The following ATP1B3 variants were observed in gnomAD, a reference collection of about 807,000 sequenced individuals.
The protein encoded by ATP1B3 is sodium/potassium-transporting ATPase subunit beta-3.
A neutral mutation model predicts 30.2 loss-of-function variants in ATP1B3; 10 were observed. That is an observed-to-expected ratio of 0.33 (90% CI 0.20 to 0.56). ATP1B3 has a LOEUF of 0.56. Among genes scored for constraint, ATP1B3 ranks in the 20% least tolerant of loss-of-function variants. ATP1B3 has a pLI of 0.90. For missense variants in ATP1B3, 238 were observed against 336.7 expected (o/e 0.71, Z 2.29); for synonymous variants, 113 against 117.0 (o/e 0.97, Z 0.22).
chr3:141,896,062 G>A (rs1934059132), intron 1 of ATP1B3, among the ~76,000 whole-genome samples: 1 of 152,152 alleles, frequency 6.6e-6, no homozygotes. Context: ...TTCAAAAAAT[G>A]TGTCTTGGAC....
At chr3:141,888,749 G>A (rs4683642) in intron 1 of ATP1B3, among the ~76,000 whole-genome samples, 16,343 of 151,704 alleles carry the variant, frequency 0.11, 1,080 homozygotes, top group Middle Eastern at 0.16. Context: ...TTGAGATAGT[G>A]AGTAAGTCTC....
At chr3:141,919,573 A>G (rs962213320) in intron 5 of ATP1B3, among the ~76,000 whole-genome samples, 1 of 152,216 alleles carries the variant, frequency 6.6e-6, no homozygotes, top group African/African-American at 2.4e-5. Flanking sequence ...ATTAATTTTT[A>G]AACTCCATTT....
At chr3:141,908,751 C>T (rs1330619815) in intron 3 of ATP1B3, among the ~76,000 whole-genome samples, 1 of 152,202 alleles carries the variant, frequency 6.6e-6, no homozygotes, top group Non-Finnish European at 1.5e-5. Context: ...TCACTCAAGC[C>T]TCTAACCCCT....
Position 141,921,987 on chromosome 3 carries a change from T to C in ATP1B3, c.593T>C (p.Ile198Thr), listed in dbSNP as rs375814352. 5.5e-5 allele frequency: 84 copies of C among 1,527,852 alleles called. No individual in the cohort carries two copies. Among genetic ancestry groups the C allele is most frequent in the Non-Finnish European group, 6.7e-5 (75 of 1,125,224 alleles). 94.6% of individuals were successfully genotyped at this position (1,527,852 alleles called of 1,614,324 possible). The change falls in exon 6 of 7, where the codon ATA becomes ACA. Residue 198 changes from isoleucine (I) to threonine (T), a missense_variant. By Grantham distance (89) the Ile-to-Thr change is moderately conservative (BLOSUM62 -1). Transcript: ENST00000286371. ...RIDCVSKNED[I>T]PNVAVYPHNG... ...TGTTTTCAACTTCAGAATGAAGATA[T>C]ACCAAATGTAGCAGTTTATCCTCAT...
At chr3:141,899,781 ATCAC>A (rs1934127948) in intron 1 of ATP1B3, among the ~76,000 whole-genome samples, 1 of 152,204 alleles carries the variant, frequency 6.6e-6, no homozygotes, top group Non-Finnish European at 1.5e-5. Context: ...AGGCAGGAGA[ATCAC>A]TTGAACCCAG....
chr3:141,904,901 G>A (rs1934236631), intron 2 of ATP1B3, among the ~76,000 whole-genome samples: 1 of 151,676 alleles, frequency 6.6e-6, no homozygotes, highest in South Asian at 2.1e-4. Flanking sequence ...AGTAGAGACG[G>A]GGTTTCACCA....
At chr3:141,906,469 T>C (rs1271027659) in intron 2 of ATP1B3, among the ~76,000 whole-genome samples, 1 of 152,224 alleles carries the variant, frequency 6.6e-6, no homozygotes, top group Non-Finnish European at 1.5e-5. Flanking sequence ...TGTGAACCAC[T>C]GCACGCAGCT....
intron 5 of ATP1B3, chr3:141,916,236 T>G: frequency 1.9e-6 from 1 of 533,326 alleles, no homozygotes. Flanking sequence ...ACACATTGCC[T>G]TTATTTTCAC....
At chr3:141,912,008 A>G (rs755508156) in intron 3 of ATP1B3, among the ~76,000 whole-genome samples, 58 of 152,364 alleles carry the variant, frequency 3.8e-4, no homozygotes, top group Non-Finnish European at 6.5e-4. Flanking sequence ...TCTATGCAGT[A>G]GAAGCCCTTG....
At chr3:141,880,409 G>C (rs1933700264) in intron 1 of ATP1B3, among the ~76,000 whole-genome samples, 2 of 152,166 alleles carry the variant, frequency 1.3e-5, no homozygotes, top group South Asian at 4.1e-4. Context: ...AAGCTGAAAA[G>C]TAAGTATAAG....
At chr3:141,922,422 G>A (rs941096505) in intron 6 of ATP1B3, among the ~76,000 whole-genome samples, 10 of 151,506 alleles carry the variant, frequency 6.6e-5, no homozygotes, top group Non-Finnish European at 1.3e-4. Flanking sequence ...AGAGGCCAAG[G>A]CGGGCGCATT....
chr3:141,892,536 T>C (rs1160618274), intron 1 of ATP1B3, among the ~76,000 whole-genome samples: 1 of 150,438 alleles, frequency 6.6e-6, no homozygotes, highest in Non-Finnish European at 1.5e-5. Context: ...CACACGCCTG[T>C]AATCCCAGCT....
chr3:141,880,841 G>A (rs1330694354), intron 1 of ATP1B3, among the ~76,000 whole-genome samples: 1 of 152,092 alleles, frequency 6.6e-6, no homozygotes, highest in East Asian at 1.9e-4. Context: ...CATCTGATTT[G>A]CCAAAATTCA....
chr3:141,918,774 C>T (rs987501972), intron 5 of ATP1B3: 31 of 152,074 alleles, frequency 2.0e-4, no homozygotes, highest in African/African-American at 7.2e-4. Flanking sequence ...TCTTGTTTAT[C>T]TATTACGTAT....
chr3:141,911,798 G>A (rs527641509), intron 3 of ATP1B3, among the ~76,000 whole-genome samples: 28 of 151,996 alleles, frequency 1.8e-4, no homozygotes, highest in African/African-American at 6.5e-4. Flanking sequence ...CTCGGCCTTT[G>A]GTCTTTCTTA....
Position 141,903,714 on chromosome 3 carries a change from G to A in ATP1B3, c.204G>A (p.Glu68=). ...MWVMLQTLND[E]VPKYRDQIPS... Reference sequence around the variant, plus strand: ...TTATGCTTCAGACTCTCAACGATGAGGTTCCAAAATACCGTGACCAGATTC... The same window carrying A: ...TTATGCTTCAGACTCTCAACGATGAAGTTCCAAAATACCGTGACCAGATTC... The change falls in exon 2 of 7, where the codon GAG becomes GAA. Residue 68 remains glutamate, a synonymous_variant. Transcript: ENST00000286371. The A allele has an allele frequency of 1.2e-6, 2 of 1,614,044 alleles. No individual in the cohort carries two copies. Among genetic ancestry groups the A allele is most frequent in the Non-Finnish European group, 1.7e-6 (2 of 1,179,974 alleles).
intron 2 of ATP1B3, among the ~76,000 whole-genome samples, chr3:141,904,682 A>G (rs552628964): frequency 4.7e-4 from 59 of 124,570 alleles, no homozygotes; most frequent in African/African-American, 1.5e-3. Flanking sequence ...CTACCTCCTG[A>G]TTTTATTCTT....
At chr3:141,885,983 A>G (rs1475631935) in intron 1 of ATP1B3, among the ~76,000 whole-genome samples, 2 of 151,890 alleles carry the variant, frequency 1.3e-5, no homozygotes, top group Middle Eastern at 3.4e-3. Context: ...CATCTCCAGT[A>G]AGATCCAAAG....
intron 1 of ATP1B3, among the ~76,000 whole-genome samples, chr3:141,896,299 T>C (rs1011067020): frequency 6.7e-6 from 1 of 149,910 alleles, no homozygotes; most frequent in African/African-American, 2.5e-5. Context: ...TGAAACCCCA[T>C]CTCTAGTAAA....
Sources: gnomAD v4.1 joint callset for allele counts (sites outside exome capture counted in the v4.1 genomes callset) on GRCh38, gnomAD v4.1.1 for gene constraint, MANE v1.5 for transcripts, NCBI Gene and HGNC (gene_info 2026-07-23, HGNC 2026-07-21) for gene names.